SGCZ: variants seen among roughly 807,000 people sequenced by gnomAD.
SGCZ encodes zeta-sarcoglycan.
A neutral mutation model predicts 41.3 loss-of-function variants in SGCZ; 40 were observed. The ratio of observed to expected loss-of-function variants is 0.97; its 90% CI spans 0.75 to 1.26. The LOEUF (loss-of-function observed/expected upper bound fraction) is 1.26. Among genes scored for constraint, SGCZ ranks in the 50% most tolerant of loss-of-function variants. The probability of loss-of-function intolerance (pLI) is 0.00; values close to 1 mark genes in which losing one functional copy is unlikely to be tolerated. For missense variants in SGCZ, 552 were observed against 369.8 expected (o/e 1.49, Z -4.04); for synonymous variants, 206 against 137.5 (o/e 1.50, Z -3.49).
intron 1 of SGCZ, among the ~76,000 whole-genome samples, chr8:14,792,016 C>A (rs1800972092): frequency 6.6e-6 from 1 of 152,072 alleles, no homozygotes; most frequent in African/African-American, 2.4e-5. Flanking sequence ...AATCATAAGG[C>A]CGTCTAGCAT....
At chr8:14,259,447 G>T (rs376853533) in intron 3 of SGCZ, among the ~76,000 whole-genome samples, 78 of 150,712 alleles carry the variant, frequency 5.2e-4, no homozygotes, top group East Asian at 1.8e-3. Context: ...GTTTTAGGTC[G>T]AACGTTTAAG....
At chr8:14,447,009 A>G (rs899572245) in intron 2 of SGCZ, among the ~76,000 whole-genome samples, 2 of 152,214 alleles carry the variant, frequency 1.3e-5, no homozygotes, top group African/African-American at 4.8e-5. Flanking sequence ...TAAACATGAA[A>G]ATAGCAAAGA....
At chr8:14,449,939 G>C (rs1010054782) in intron 2 of SGCZ, among the ~76,000 whole-genome samples, 1 of 151,766 alleles carries the variant, frequency 6.6e-6, no homozygotes, top group South Asian at 2.1e-4. Flanking sequence ...TAACAATATA[G>C]ACAATATAAT....
chr8:15,187,160 T>G (rs915422065), intron 1 of SGCZ, among the ~76,000 whole-genome samples: 7 of 152,174 alleles, frequency 4.6e-5, no homozygotes, highest in Non-Finnish European at 1.0e-4. Flanking sequence ...TCTTCATTAT[T>G]TATTTAAGTA....
chr8:14,784,001 T>C (rs1440183485), intron 1 of SGCZ, among the ~76,000 whole-genome samples: 1 of 152,096 alleles, frequency 6.6e-6, no homozygotes, highest in Non-Finnish European at 1.5e-5. Flanking sequence ...AAAATAATTG[T>C]ACCCTTTAAA....
chr8:14,680,860 G>C (rs1195792163), intron 1 of SGCZ, among the ~76,000 whole-genome samples: 3 of 148,696 alleles, frequency 2.0e-5, no homozygotes, highest in African/African-American at 5.0e-5. Flanking sequence ...ATATATACTG[G>C]ACAGGATTAA....
intron 1 of SGCZ, among the ~76,000 whole-genome samples, chr8:15,146,178 G>C (rs2117007885): frequency 6.6e-6 from 1 of 151,802 alleles, no homozygotes; most frequent in East Asian, 1.9e-4. Context: ...CCAGGAAAAA[G>C]AAAAAGTCAT....
chr8:14,108,731 T>C (rs970242488), intron 5 of SGCZ, among the ~76,000 whole-genome samples: 7 of 151,968 alleles, frequency 4.6e-5, no homozygotes, highest in East Asian at 1.9e-4. Context: ...ATGAGAAGAA[T>C]TGGAAGAATA....
intron 1 of SGCZ, among the ~76,000 whole-genome samples, chr8:15,164,178 G>A (rs891254502): frequency 6.6e-6 from 1 of 152,216 alleles, no homozygotes; most frequent in Non-Finnish European, 1.5e-5. Flanking sequence ...CTGAACTAAG[G>A]AAAAGTCCTG....
At chr8:14,716,829 G>T (rs1809705010) in intron 1 of SGCZ, among the ~76,000 whole-genome samples, 1 of 151,988 alleles carries the variant, frequency 6.6e-6, no homozygotes, top group African/African-American at 2.4e-5. Context: ...ATTCCACTTT[G>T]TAATACTCCT....
At chr8:14,945,588 C>A (rs985193998) in intron 1 of SGCZ, among the ~76,000 whole-genome samples, 18 of 151,988 alleles carry the variant, frequency 1.2e-4, no homozygotes, top group African/African-American at 3.4e-4. Flanking sequence ...GTAAAGCATT[C>A]TTTCTGGATA....
intron 1 of SGCZ, among the ~76,000 whole-genome samples, chr8:14,832,577 A>G (rs1347891673): frequency 4.6e-5 from 7 of 152,232 alleles, no homozygotes; most frequent in African/African-American, 1.7e-4. Context: ...TATACTTTGT[A>G]GAATTTAAGC....
At chr8:15,107,332 A>G (rs1050885039) in intron 1 of SGCZ, among the ~76,000 whole-genome samples, 1 of 152,144 alleles carries the variant, frequency 6.6e-6, no homozygotes, top group Non-Finnish European at 1.5e-5. Flanking sequence ...CCCCAATGTG[A>G]TAATATTGGG....
In SGCZ at chr8:14,206,013, G is replaced by A. The variant is rs551117085; in HGVS notation, c.424+31579C>T. On this transcript the variant is annotated intron_variant, in intron 4 of 7. Transcript: ENST00000382080. ...AGTTACATAATTGATATTTAAACTC[G>A]GTTCTCTGCTATGAAATTTAATGCT... is the stretch of plus-strand genomic sequence containing the variant. Among the ~76,000 whole-genome samples the A allele has an allele frequency of 1.5e-3, 231 of 151,880 alleles. 1 individual carries two copies. The highest frequency in any genetic ancestry group is 1.4e-3 in the Non-Finnish European group (93 of 67,906).
chr8:14,942,933 G>T (rs1004049705), intron 1 of SGCZ, among the ~76,000 whole-genome samples: 1 of 152,074 alleles, frequency 6.6e-6, no homozygotes, highest in Non-Finnish European at 1.5e-5. Flanking sequence ...ACTCTTCAGA[G>T]AGTACTATTT....
Position 14,166,224 on chromosome 8 carries a change from A to T in SGCZ, c.425-1522T>A, listed in dbSNP as rs190567639. ...AAAATAGAATTCATGCTTTTTAAAA[A>T]TTTTTAAATAAATACCTTTCCTTAT... On this transcript the variant is annotated intron_variant, in intron 4 of 7. Coordinates refer to ENST00000382080, the MANE Select transcript of SGCZ (RefSeq NM_139167.4). Among the ~76,000 whole-genome samples, 254 of 152,298 alleles carry T rather than the reference A, an allele frequency of 1.7e-3. 1 individual carries two copies. The highest frequency in any genetic ancestry group is 6.8e-3 in the Middle Eastern group (2 of 294).
chr8:14,790,497 A>T (rs1800915359), intron 1 of SGCZ, among the ~76,000 whole-genome samples: 1 of 152,320 alleles, frequency 6.6e-6, no homozygotes, highest in African/African-American at 2.4e-5. Flanking sequence ...TTCTATTTTT[A>T]GGTTGGAAAA....
chr8:14,588,823 A>G (rs1186967520), intron 1 of SGCZ, among the ~76,000 whole-genome samples: 1 of 152,162 alleles, frequency 6.6e-6, no homozygotes, highest in African/African-American at 2.4e-5. Flanking sequence ...GAATGTTATC[A>G]ATTAAATTTA....
At chr8:14,145,153 G>T (rs979870157) in intron 5 of SGCZ, among the ~76,000 whole-genome samples, 3 of 152,170 alleles carry the variant, frequency 2.0e-5, no homozygotes, top group Non-Finnish European at 4.4e-5. Flanking sequence ...GCTGGCTTCA[G>T]TTCTGACCAA....
Sources: allele counts gnomAD v4.1 joint callset (sites outside exome capture counted in the v4.1 genomes callset), GRCh38; gene constraint gnomAD v4.1.1; transcripts MANE v1.5; gene names NCBI Gene and HGNC (gene_info 2026-07-23, HGNC 2026-07-21).